POU5F1B: variants seen among roughly 807,000 people sequenced by gnomAD.
The protein encoded by POU5F1B is POU domain, class 5, transcription factor 1B.
POU5F1B carries 24 observed loss-of-function variants against 28.1 expected under a neutral mutation model. The observed-to-expected ratio is 0.85, with a 90% confidence interval of 0.62 to 1.20. The LOEUF is 1.20. Among genes scored for constraint, POU5F1B ranks in the 50% most tolerant of loss-of-function variants. POU5F1B has a pLI of 0.00. For synonymous variants in POU5F1B, 220 were observed against 193.2 expected (o/e 1.14, Z -1.15); for missense variants, 451 against 451.5 (o/e 1.00, Z 0.01).
chr8:127,415,932 A>C, exon 3 of POU5F1B: 2 of 1,557,770 alleles, frequency 1.3e-6, no homozygotes, highest in Non-Finnish European at 1.7e-6. Flanking sequence ...GTGATGGGCC[A>C]TGGGGGGCGG....
At chr8:127,416,267 A>G in exon 3 of POU5F1B, 1 of 1,613,910 alleles carries the variant, frequency 6.2e-7, no homozygotes, top group Non-Finnish European at 8.5e-7. Context: ...CAAAACCCGG[A>G]GAAGTCCCAG....
chr8:127,415,625 C>T, exon 3 of POU5F1B: 1 of 619,462 alleles, frequency 1.6e-6, no homozygotes, highest in Non-Finnish European at 2.4e-6. Flanking sequence ...ATTTCCAAAT[C>T]TTGGCATTCT....
rs573985615 is a variant in POU5F1B at position 127,416,707 on chromosome 8, C to A, written c.841C>A (p.Arg281Ser). The A allele has an allele frequency of 5.0e-6, 8 of 1,609,142 alleles. No individual in the cohort carries two copies. In the South Asian group the frequency reaches 8.9e-5, roughly 18 times the overall value. The change falls in exon 3 of 3, where the codon CGC becomes AGC. Residue 281 changes from arginine (R) to serine (S), a missense_variant. Arg to Ser is a moderately radical substitution (Grantham distance 110). This residue lies in a region of POU5F1B where 213 missense variants were observed against 220.4 expected (regional missense o/e 0.97). Transcript: ENST00000465342. ...GGTCCGAGTGTGGTTCTGTAACCGGCGCCAGAAGGGCAAGCGATCAAGCAG... is the reference window on the plus strand; with the variant it reads ...GGTCCGAGTGTGGTTCTGTAACCGGAGCCAGAAGGGCAAGCGATCAAGCAG...
At chr8:127,415,391 C>A (rs1815115600) in intron 2 of POU5F1B, 1 of 154,560 alleles carries the variant, frequency 6.5e-6, no homozygotes, top group Non-Finnish European at 1.4e-5. Flanking sequence ...TTGGTTGCAG[C>A]CCATTTTGCC....
At chr8:127,416,844 C>A (rs1335090690) in exon 3 of POU5F1B, 1 of 1,602,866 alleles carries the variant, frequency 6.2e-7, no homozygotes, top group Non-Finnish European at 8.5e-7. Flanking sequence ...GCTATGGGAG[C>A]CCTCACTTCA....
At chr8:127,416,525 T>C in exon 3 of POU5F1B, 1 of 1,609,244 alleles carries the variant, frequency 6.2e-7, no homozygotes, top group Non-Finnish European at 8.5e-7. Context: ...CTTCAGGAGA[T>C]ATGCAAAGCA....
At chr8:127,416,836 T>G in exon 3 of POU5F1B, 1 of 1,603,750 alleles carries the variant, frequency 6.2e-7, no homozygotes, top group South Asian at 1.1e-5. Context: ...TACCCCAGGC[T>G]ATGGGAGCCC....
At chr8:127,413,677 G>T (rs1296811198) in intron 1 of POU5F1B, among the ~76,000 whole-genome samples, 1 of 152,166 alleles carries the variant, frequency 6.6e-6, no homozygotes, top group South Asian at 2.1e-4. Flanking sequence ...CACCTCAAAC[G>T]ATTTTCATGG....
exon 3 of POU5F1B, chr8:127,417,155 G>GT: frequency 1.9e-6 from 1 of 526,012 alleles, no homozygotes; most frequent in African/African-American, 2.1e-5. Flanking sequence ...CCCACATCAT[G>GT]TATCACTTTT....
intron 1 of POU5F1B, among the ~76,000 whole-genome samples, chr8:127,414,632 A>C (rs1420420975): frequency 6.6e-6 from 1 of 152,226 alleles, no homozygotes; most frequent in African/African-American, 2.4e-5. Context: ...CTCTTTTCAC[A>C]ATCCCTTTAA....
chr8:127,413,857 T>TACACACAC (rs3999776), intron 1 of POU5F1B, among the ~76,000 whole-genome samples: 1,542 of 150,704 alleles, frequency 0.01, 14 homozygotes, highest in African/African-American at 0.026. Context: ...AAAAAGGTGG[T>TACACACAC]ACACACACAC....
chr8:127,415,734 T>C, exon 3 of POU5F1B: 1 of 1,373,968 alleles, frequency 7.3e-7, no homozygotes, highest in Non-Finnish European at 9.5e-7. Context: ...CAACATTTAA[T>C]GATGCTTCAG....
rs756322889 is a variant in POU5F1B at position 127,416,373 on chromosome 8, C to T, written c.507C>T (p.Leu169=). The change falls in exon 3 of 3, where the codon CTC becomes CTT. Residue 169 remains leucine (L), a synonymous_variant. Transcript: ENST00000465342. ...GATATACACAGGCCGATGTGGGGCT[C>T]ATCCTGGGGGTTCTATTTGGGAAGG... 56 of 1,610,204 alleles carry T rather than the reference C, an allele frequency of 3.5e-5. No individual in the cohort carries two copies. The South Asian group carries it at 5.5e-4, about 16-fold the overall frequency.
chr8:127,416,887 G>T lies in POU5F1B; in HGVS notation c.1021G>T (p.Gly341Trp). ...GTACTCCTCAGTCCCTTTCCCTGAG[G>T]GGGAAGTCTTTCCCCCAGTCTCCGT... The change falls in exon 3 of 3, where the codon GGG (glycine) becomes TGG (tryptophan). Residue 341 changes from glycine to tryptophan, a missense_variant. Coordinates refer to ENST00000465342, the Ensembl canonical transcript of POU5F1B. The T allele has an allele frequency of 2.5e-6, 4 of 1,599,854 alleles. No homozygotes were observed. In the South Asian group the frequency reaches 4.5e-5, roughly 18 times the overall value.
rs76905197 is a variant in POU5F1B, at chr8:127,415,585, G to C, written c.-282G>C. The C allele has an allele frequency of 4.5e-4, 193 of 425,820 alleles. 1 individual carries two copies. The East Asian group carries it at 7.6e-3, about 17-fold the overall frequency. The allele number at this position is 425,820 out of a possible 1,614,324, so 26.4% of individuals were successfully genotyped here. The stretch of plus-strand genomic sequence containing the variant: ...GTGCCTACACTGGAATTTCAGATCG[G>C]CCACTGACACAATGGACACATTATT... On this transcript the variant is annotated 5_prime_UTR_variant, in exon 3 of 3. Transcript: ENST00000465342.
intron 1 of POU5F1B, among the ~76,000 whole-genome samples, chr8:127,413,857 T>TACAC (rs3999776): frequency 0.29 from 43,640 of 150,438 alleles, 6,600 homozygotes; most frequent in East Asian, 0.52. Flanking sequence ...AAAAAGGTGG[T>TACAC]ACACACACAC....
At chr8:127,413,879 C>CACACAA (rs1455390998) in intron 1 of POU5F1B, among the ~76,000 whole-genome samples, 2 of 151,572 alleles carry the variant, frequency 1.3e-5, no homozygotes, top group East Asian at 3.9e-4. Context: ...CACACACACA[C>CACACAA]AACACCCGAT....
At chr8:127,413,503 T>C (rs1170443340) in intron 1 of POU5F1B, among the ~76,000 whole-genome samples, 1 of 152,216 alleles carries the variant, frequency 6.6e-6, no homozygotes, top group Non-Finnish European at 1.5e-5. Flanking sequence ...CTAGAAATTA[T>C]TATTGCACTA....
At position 127,413,735 on chromosome 8, in the gene POU5F1B, C is replaced by T. The variant is rs548148717; in HGVS notation, c.-559-1153C>T. On this transcript the variant is annotated intron_variant, in intron 1 of 2. Coordinates refer to ENST00000465342, the Ensembl canonical transcript of POU5F1B. The stretch of plus-strand genomic sequence containing the variant: ...TACCAGCTGTGAGGCTTAGGCCAAC[C>T]TATTAACCTTCTATTTCACTTTTCT... 3.3e-5 allele frequency among the ~76,000 whole-genome samples: 5 copies of T among 152,280 alleles called. No individual in the cohort carries two copies. In the East Asian group the frequency reaches 9.6e-4, roughly 29 times the overall value.
Sources: gnomAD v4.1 joint callset for allele counts (sites outside exome capture counted in the v4.1 genomes callset) on GRCh38, gnomAD v4.1.1 for gene constraint, gnomAD v4.1.1 regional missense constraint, MANE v1.5 for transcripts, NCBI Gene and HGNC (gene_info 2026-07-23, HGNC 2026-07-21) for gene names.